The following ADAMTSL3 variants were observed in gnomAD, a reference collection of about 807,000 sequenced individuals.
ADAMTSL3 encodes ADAMTS like 3.
ADAMTSL3 carries 128 observed loss-of-function variants against 201.7 expected under a neutral mutation model. The ratio of observed to expected loss-of-function variants is 0.63; its 90% CI spans 0.55 to 0.73. ADAMTSL3 has a LOEUF of 0.73. Among genes scored for constraint, ADAMTSL3 ranks in the 30% least tolerant of loss-of-function variants. ADAMTSL3 has a pLI of 0.00. For synonymous variants in ADAMTSL3, 738 were observed against 748.4 expected, an observed-to-expected ratio of 0.99 and a Z score of 0.23; for missense variants, 1,990 against 2,119.6, an observed-to-expected ratio of 0.94 and a Z score of 1.20.
chr15:83,737,867 T>C (rs2062392625), intron 3 of ADAMTSL3, among the ~76,000 whole-genome samples: 1 of 152,228 alleles, frequency 6.6e-6, no homozygotes, highest in African/African-American at 2.4e-5. Context: ...CTTTTGTTTA[T>C]GACAATAGAA....
intron 4 of ADAMTSL3, among the ~76,000 whole-genome samples, chr15:83,801,659 T>TATATATAA (rs2063521684): frequency 5.0e-5 from 2 of 39,826 alleles, no homozygotes; most frequent in South Asian, 7.8e-4. Context: ...TAAATATATA[T>TATATATAA]ATATATATAT....
chr15:83,820,011 G>A lies in ADAMTSL3; in HGVS notation c.564G>A (p.Thr188=), dbSNP rs770433856. 30 of 1,614,104 alleles carry A rather than the reference G, an allele frequency of 1.9e-5. No homozygotes were observed. The highest frequency in any genetic ancestry group is 1.1e-4 in the South Asian group (10 of 91,072). ...TACTGGATGGAACTCGTTGCAACAC[G>A]GACTCCTTGGACATGTGTATCAGTG... ...PKVLDGTRCN[T]DSLDMCISGI... Residue 188 remains threonine, a synonymous_variant, in exon 6 of 30, where the codon ACG becomes ACA. Transcript: ENST00000286744.
chr15:83,848,930 G>A (rs1055754617), intron 7 of ADAMTSL3, among the ~76,000 whole-genome samples: 6 of 152,006 alleles, frequency 3.9e-5, no homozygotes, highest in Non-Finnish European at 5.9e-5. Context: ...CAACCCCTTG[G>A]AACAGGTATT....
chr15:83,970,340 A>C, intron 19 of ADAMTSL3, 144 bp from the exon 20 acceptor site: 1 of 832,934 alleles, frequency 1.2e-6, no homozygotes, highest in South Asian at 1.7e-5. Context: ...GACATAAAAG[A>C]TGTTCAAGCC....
At chr15:83,695,675 T>C (rs1284220641) in intron 2 of ADAMTSL3, among the ~76,000 whole-genome samples, 1 of 152,086 alleles carries the variant, frequency 6.6e-6, no homozygotes, top group African/African-American at 2.4e-5. Context: ...AGAAAAAGAA[T>C]CTTAAATCCC....
chr15:83,678,105 A>G (rs1226741082), intron 2 of ADAMTSL3, among the ~76,000 whole-genome samples: 1 of 152,050 alleles, frequency 6.6e-6, no homozygotes, highest in African/African-American at 2.4e-5. Context: ...AGCTGTCTTA[A>G]TATGTCCTCA....
intron 4 of ADAMTSL3, among the ~76,000 whole-genome samples, chr15:83,784,740 C>T (rs904721730): frequency 1.3e-5 from 2 of 152,042 alleles, no homozygotes; most frequent in African/African-American, 2.4e-5. Flanking sequence ...ATAACTATCT[C>T]TGTCATTAGT....
intron 24 of ADAMTSL3, 47 bp downstream of exon 24, chr15:84,014,771 C>A (rs375286179): frequency 2.0e-6 from 3 of 1,532,420 alleles, no homozygotes; most frequent in Non-Finnish European, 2.6e-6. Context: ...CTGTAATATG[C>A]ACAAAGTAGG....
At chr15:84,009,290 T>C (rs2067962510) in intron 23 of ADAMTSL3, among the ~76,000 whole-genome samples, 1 of 152,216 alleles carries the variant, frequency 6.6e-6, no homozygotes, top group East Asian at 1.9e-4. Flanking sequence ...TGCAGCCACA[T>C]GCTCTTTTAC....
In ADAMTSL3 at chr15:83,714,824, TTCTC is replaced by T. The variant is rs752449780; in HGVS notation, c.189+10324_189+10327del. On this transcript the variant is annotated intron_variant, in intron 3 of 29. Coordinates refer to ENST00000286744, the MANE Select transcript of ADAMTSL3 (RefSeq NM_207517.3). ...CTTTCTTTCTTCTTTCTTTCTTTCC[TTCTC>T]TCTCTCTTTCTTTCTCTCTCTTTCC... Among the ~76,000 whole-genome samples the T allele has an allele frequency of 3.3e-4, 32 of 98,406 alleles. No homozygotes were observed. In the East Asian group the frequency reaches 4.6e-3, roughly 14 times the overall value. The allele number at this position is 98,406 out of a possible 152,430, so 64.6% of individuals were successfully genotyped here. A position where few individuals can be genotyped will look rare whatever the true frequency, so the allele number is the denominator to read the frequency against.
chr15:84,025,506 T>C (rs1402375427), intron 27 of ADAMTSL3, 70 bp downstream of exon 27: 2 of 1,463,404 alleles, frequency 1.4e-6, no homozygotes, highest in South Asian at 2.7e-5. Context: ...ATAATCACCT[T>C]GTTTCCAATA....
chr15:83,914,113 G>T lies in ADAMTSL3; in HGVS notation c.1987+735G>T, dbSNP rs182008277. 3.9e-5 allele frequency among the ~76,000 whole-genome samples: 6 copies of T among 152,314 alleles called. No homozygotes were observed. In the East Asian group the frequency reaches 1.2e-3, roughly 29 times the overall value. ...GTCTGACCAGGAATCCAGAGCCCCT[G>T]TCACCCCGTCCCCTCATCCTTTGAC... On this transcript the variant is annotated intron_variant, in intron 16 of 29. Transcript: ENST00000286744.
chr15:83,753,640 C>G (rs958213869), intron 3 of ADAMTSL3, among the ~76,000 whole-genome samples: 1 of 151,054 alleles, frequency 6.6e-6, no homozygotes, highest in Non-Finnish European at 1.5e-5. Context: ...AACTTGATAT[C>G]ATTAAACTTG....
At chr15:83,975,991 A>G (rs1011178173) in intron 20 of ADAMTSL3, among the ~76,000 whole-genome samples, 2 of 152,192 alleles carry the variant, frequency 1.3e-5, no homozygotes, top group Non-Finnish European at 2.9e-5. Context: ...GGATATGACA[A>G]TATCTTGGTG....
At chr15:83,675,954 ATTTGAAG>A (rs549438244) in intron 2 of ADAMTSL3, among the ~76,000 whole-genome samples, 280 of 152,170 alleles carry the variant, frequency 1.8e-3, no homozygotes, top group South Asian at 2.5e-3. Context: ...CATTCCTGAT[ATTTGAAG>A]TTTGCATTTT....
chr15:83,863,267 G>A (rs2141797666), intron 8 of ADAMTSL3, among the ~76,000 whole-genome samples: 1 of 152,262 alleles, frequency 6.6e-6, no homozygotes, highest in African/African-American at 2.4e-5. Context: ...GCACCAAGCA[G>A]ACCTAATAGA....
chr15:83,730,194 T>C (rs2062243631), intron 3 of ADAMTSL3, among the ~76,000 whole-genome samples: 2 of 152,088 alleles, frequency 1.3e-5, no homozygotes, highest in African/African-American at 2.4e-5. Context: ...AAGAGATGGA[T>C]AACATCTAAA....
At chr15:83,734,251 C>T (rs2062334222) in intron 3 of ADAMTSL3, among the ~76,000 whole-genome samples, 1 of 151,794 alleles carries the variant, frequency 6.6e-6, no homozygotes, top group Admixed American at 6.6e-5. Context: ...TTAAAAGATC[C>T]CTCTCTTGAG....
At chr15:83,764,601 AGG>A (rs1555440209) in intron 3 of ADAMTSL3, among the ~76,000 whole-genome samples, 1 of 152,046 alleles carries the variant, frequency 6.6e-6, no homozygotes, top group Non-Finnish European at 1.5e-5. Context: ...AGTTCCTCTC[AGG>A]CAGCCCTGTA....
Sources: gnomAD v4.1 joint callset for allele counts (sites outside exome capture counted in the v4.1 genomes callset) on GRCh38, gnomAD v4.1.1 for gene constraint, MANE v1.5 for transcripts, NCBI Gene and HGNC (gene_info 2026-07-23, HGNC 2026-07-21) for gene names.